Variants in MLIP observed in about 807,000 individuals in gnomAD.
MLIP encodes the protein muscular LMNA interacting protein.
In MLIP, 79 loss-of-function variants were observed where a neutral mutation model predicts 84.8. That is an observed-to-expected ratio of 0.93 (90% CI 0.78 to 1.12). The LOEUF (loss-of-function observed/expected upper bound fraction) is 1.12. MLIP is among the 50% of genes most tolerant of loss of function. MLIP has a pLI of 0.00. For missense variants in MLIP, 1,257 were observed against 1,160.6 expected (o/e 1.08, Z -1.21); for synonymous variants, 504 against 463.0 (o/e 1.09, Z -1.14).
intron 1 of MLIP, among the ~76,000 whole-genome samples, chr6:54,023,430 T>C (rs1477708072): frequency 6.6e-6 from 1 of 151,914 alleles, no homozygotes; most frequent in Non-Finnish European, 1.5e-5. Flanking sequence ...TTACTTTTTG[T>C]ATTTAAAAAT....
At chr6:54,109,996 T>G (rs1448138944), upstream of MLIP, among the ~76,000 whole-genome samples, 2 of 110,634 alleles carry the variant, frequency 1.8e-5, no homozygotes, top group Admixed American at 1.0e-4. Context: ...TTTTTCTTTT[T>G]TTTTTTGACG....
chr6:54,075,456 CT>C (rs2150349417), intron 1 of MLIP, among the ~76,000 whole-genome samples: 1 of 152,054 alleles, frequency 6.6e-6, no homozygotes, highest in East Asian at 1.9e-4. Flanking sequence ...TTCAAGGCAA[CT>C]TTTAATTATG....
intron 3 of MLIP, among the ~76,000 whole-genome samples, chr6:54,134,351 A>G (rs1358980012): frequency 6.6e-6 from 1 of 152,138 alleles, no homozygotes; most frequent in Non-Finnish European, 1.5e-5. Flanking sequence ...AATTTTATAA[A>G]ATATGGTGTC....
chr6:54,034,191 C>A (rs1167809063), intron 1 of MLIP, among the ~76,000 whole-genome samples: 3 of 152,144 alleles, frequency 2.0e-5, no homozygotes, highest in African/African-American at 7.2e-5. Context: ...AACATAATTT[C>A]TCTTCAATTA....
In MLIP at chr6:54,074,155, G is replaced by A. The variant is rs116320834; in HGVS notation, c.64-47292G>A. On this transcript the variant is annotated intron_variant, in intron 1 of 12. Coordinates refer to the MLIP transcript ENST00000274897. ...TATCTTTTTAGTTTGAAAATGATGT[G>A]TTTTTTTTGAAGCACTATTGATAAA... 5.5e-3 allele frequency among the ~76,000 whole-genome samples: 841 copies of A among 152,046 alleles called. 7 individuals carry two copies. The highest frequency in any genetic ancestry group is 0.019 in the African/African-American group (792 of 41,480).
chr6:54,216,790 T>G (rs1461592310), intron 11 of MLIP: 3 of 985,224 alleles, frequency 3.0e-6, no homozygotes. Flanking sequence ...ATATGCCATA[T>G]AATCGAAACC....
intron 1 of MLIP, among the ~76,000 whole-genome samples, chr6:54,076,835 G>A (rs920588292): frequency 1.3e-5 from 2 of 152,110 alleles, no homozygotes; most frequent in African/African-American, 4.8e-5. Flanking sequence ...TGTTTTCTAG[G>A]GGTGAGGGTA....
intron 4 of MLIP, among the ~76,000 whole-genome samples, chr6:54,143,155 G>A (rs1183778233): frequency 6.6e-6 from 1 of 151,386 alleles, no homozygotes; most frequent in Admixed American, 6.6e-5. Context: ...TCGCACTCAG[G>A]TGTTCAATGA....
At position 54,111,548 on chromosome 6, in the gene MLIP, A is replaced by G. The variant is rs953149847; in HGVS notation, c.69A>G (p.Leu23=). ...NNYFQMTSCI[L]SGSIQTTPQV... ...ACTTCCAAATGACCTCGTGCATCTTATCAGGGAGCATTCAGACCACACCCC... is the reference window on the plus strand; with the variant it reads ...ACTTCCAAATGACCTCGTGCATCTTGTCAGGGAGCATTCAGACCACACCCC... Residue 23 remains leucine, a synonymous_variant, in exon 1 of 14, where the codon TTA becomes TTG. Transcript: ENST00000502396. 1 of 1,535,946 alleles carries G rather than the reference A, an allele frequency of 6.5e-7. No individual in the cohort carries two copies. The highest frequency in any genetic ancestry group is 1.2e-5 in the South Asian group (1 of 84,070).
At chr6:54,080,448 C>G (rs1228461897) in intron 1 of MLIP, among the ~76,000 whole-genome samples, 4 of 147,456 alleles carry the variant, frequency 2.7e-5, no homozygotes, top group Non-Finnish European at 1.5e-5. Flanking sequence ...TAATTTTATA[C>G]TGTAAAAAGC....
At chr6:54,148,309 A>G (rs766663719) in intron 4 of MLIP, among the ~76,000 whole-genome samples, 2 of 152,126 alleles carry the variant, frequency 1.3e-5, no homozygotes, top group East Asian at 3.9e-4. Context: ...CCTGATTTCT[A>G]CAGCTTCCTC....
chr6:54,174,933 G>A (rs187936013), intron 9 of MLIP, among the ~76,000 whole-genome samples: 31 of 152,028 alleles, frequency 2.0e-4, no homozygotes, highest in African/African-American at 7.2e-4. Flanking sequence ...CATATGGCAA[G>A]ATATAGGGGG....
intron 4 of MLIP, among the ~76,000 whole-genome samples, chr6:54,145,417 T>A (rs1772700213): frequency 6.6e-6 from 1 of 152,088 alleles, no homozygotes; most frequent in South Asian, 2.1e-4. Context: ...ATTTTTATAC[T>A]GAAAAGGAAA....
chr6:54,251,863 ATATAT>A (rs1195505438), intron 12 of MLIP, among the ~76,000 whole-genome samples: 3 of 85,470 alleles, frequency 3.5e-5, no homozygotes, highest in Admixed American at 2.0e-4. Context: ...TAATATAAAT[ATATAT>A]TATAACATAT....
intron 1 of MLIP, among the ~76,000 whole-genome samples, chr6:54,037,469 AAGAG>A (rs776293212): frequency 6.6e-6 from 1 of 151,484 alleles, no homozygotes; most frequent in African/African-American, 2.4e-5. Context: ...GAGAGGGAGA[AAGAG>A]AGAGAGAGAC....
chr6:54,135,306 G>T (rs1043907412), intron 3 of MLIP, among the ~76,000 whole-genome samples: 1 of 151,934 alleles, frequency 6.6e-6, no homozygotes, highest in African/African-American at 2.4e-5. Context: ...TCTGGGTTAC[G>T]CCAATATATT....
rs776164883 is a variant in MLIP, at chr6:54,124,454, C to T, written c.253-19C>T. On this transcript the variant is annotated intron_variant, in intron 2 of 13. Coordinates refer to ENST00000502396, the MANE Select transcript of MLIP (RefSeq NM_001281747.2). ...ATTAAACTAATGTCAATGCTTTTAT[C>T]TCTCTACATCTATTACAGTCTAAAT... The T allele has an allele frequency of 1.3e-6, 2 of 1,579,016 alleles. No individual in the cohort carries two copies. Among genetic ancestry groups the T allele is most frequent in the Non-Finnish European group, 1.7e-6 (2 of 1,160,088 alleles).
At chr6:54,144,151 T>C (rs1017633424) in intron 4 of MLIP, among the ~76,000 whole-genome samples, 1 of 152,154 alleles carries the variant, frequency 6.6e-6, no homozygotes, top group Non-Finnish European at 1.5e-5. Context: ...TATAAGGAAG[T>C]GTCTGGGCAA....
chr6:54,108,067 C>T (rs1769147544), upstream of MLIP, among the ~76,000 whole-genome samples: 1 of 152,078 alleles, frequency 6.6e-6, no homozygotes, highest in South Asian at 2.1e-4. Flanking sequence ...AAAGGTATTG[C>T]AGTAATATCC....
Sources: gnomAD v4.1 joint callset for allele counts (sites outside exome capture counted in the v4.1 genomes callset) on GRCh38, gnomAD v4.1.1 for gene constraint, MANE v1.5 for transcripts, NCBI Gene and HGNC (gene_info 2026-07-23, HGNC 2026-07-21) for gene names.